Variants in GDPD5 observed in about 807,000 individuals in gnomAD.
GDPD5 encodes glycerophosphodiester phosphodiesterase 2.
In GDPD5, 48 loss-of-function variants were observed where a neutral mutation model predicts 75.1. The ratio of observed to expected loss-of-function variants is 0.64; its 90% CI spans 0.51 to 0.81. GDPD5 has a LOEUF of 0.81. Ranked by LOEUF, GDPD5 falls within the 40% of genes least tolerant of loss-of-function variation. The pLI is 0.00. For synonymous variants in GDPD5, 336 were observed against 339.0 expected (o/e 0.99, Z 0.10); for missense variants, 706 against 822.6 (o/e 0.86, Z 1.73).
chr11:75,497,740 C>T (rs991728187), intron 1 of GDPD5, among the ~76,000 whole-genome samples: 5 of 152,182 alleles, frequency 3.3e-5, no homozygotes, highest in African/African-American at 1.2e-4. Context: ...ATCCTGACCA[C>T]TGGGGGCTTA....
At chr11:75,502,683 C>T (rs900920339) in intron 1 of GDPD5, among the ~76,000 whole-genome samples, 29 of 152,194 alleles carry the variant, frequency 1.9e-4, no homozygotes, top group Admixed American at 1.6e-3. Flanking sequence ...GGTGACACTA[C>T]GGCACTTTCA....
chr11:75,504,484 T>C (rs1318107095), intron 1 of GDPD5, among the ~76,000 whole-genome samples: 1 of 152,138 alleles, frequency 6.6e-6, no homozygotes, highest in Non-Finnish European at 1.5e-5. Flanking sequence ...GGAGCAGCAC[T>C]CCGCCTGAAC....
chr11:75,456,206 C>T (rs1006421835), intron 6 of GDPD5, among the ~76,000 whole-genome samples: 9 of 152,102 alleles, frequency 5.9e-5, no homozygotes, highest in Non-Finnish European at 7.4e-5. Context: ...GGTGACTGTC[C>T]CATGATGGGT....
At chr11:75,507,492 G>T (rs142334809) in intron 1 of GDPD5, among the ~76,000 whole-genome samples, 2 of 152,366 alleles carry the variant, frequency 1.3e-5, no homozygotes, top group Admixed American at 1.3e-4. Context: ...AGGCTGGGGG[G>T]CACTGGCTGC....
chr11:75,454,749 A>G (rs767684167), intron 6 of GDPD5, among the ~76,000 whole-genome samples: 45 of 152,222 alleles, frequency 3.0e-4, no homozygotes, highest in Non-Finnish European at 5.3e-4. Flanking sequence ...GGAAATGCAT[A>G]TGTACATGTG....
chr11:75,491,168 C>T (rs903346512), intron 1 of GDPD5, among the ~76,000 whole-genome samples: 4 of 152,184 alleles, frequency 2.6e-5, no homozygotes, highest in Admixed American at 1.3e-4. Context: ...GTGTGTGAAC[C>T]AGAGGTGGAC....
At chr11:75,495,308 T>TTATA (rs377593028) in intron 1 of GDPD5, among the ~76,000 whole-genome samples, 1 of 149,524 alleles carries the variant, frequency 6.7e-6, no homozygotes, top group Non-Finnish European at 1.5e-5. Context: ...GAATTTAATT[T>TTATA]TATATATATA....
chr11:75,455,166 T>C (rs569389393), intron 6 of GDPD5: 62 of 389,430 alleles, frequency 1.6e-4, no homozygotes, highest in African/African-American at 1.2e-3. Flanking sequence ...AGCGGCTCTA[T>C]AGGCCTCTCC....
chr11:75,441,846 G>C (rs763894135), intron 12 of GDPD5, 43 bp from the exon 13 acceptor site: 1 of 1,560,248 alleles, frequency 6.4e-7, no homozygotes, highest in Non-Finnish European at 8.7e-7. Flanking sequence ...TCTTCTGCAC[G>C]ATGCGTAAGA....
At chr11:75,523,727 G>C (rs1265575627) in intron 1 of GDPD5, among the ~76,000 whole-genome samples, 4 of 152,252 alleles carry the variant, frequency 2.6e-5, no homozygotes, top group Non-Finnish European at 5.9e-5. Flanking sequence ...TAGACATAGA[G>C]ATTATTGCGA....
intron 6 of GDPD5, among the ~76,000 whole-genome samples, chr11:75,454,889 T>G (rs1949251019): frequency 1.3e-5 from 2 of 152,218 alleles, no homozygotes. Flanking sequence ...CAAAAAAGAA[T>G]AAAGAGTCCT....
chr11:75,453,267 C>T lies in GDPD5; in HGVS notation c.376-3284G>A, dbSNP rs372846145. ...CTCCCTCTCACCCTGTCCTGAGCAT[C>T]TCTGTCCTCCCCTCCTCAGGACCCA... On this transcript the variant is annotated intron_variant, in intron 6 of 16. Coordinates refer to ENST00000336898, the MANE Select transcript of GDPD5 (RefSeq NM_030792.8). Among the ~76,000 whole-genome samples, 193 of 152,250 alleles carry T rather than the reference C, an allele frequency of 1.3e-3. 6 individuals carry two copies. In the South Asian group the frequency reaches 0.039, roughly 30 times the overall value.
At chr11:75,439,660 G>A (rs1388667204) in intron 15 of GDPD5, among the ~76,000 whole-genome samples, 1 of 152,198 alleles carries the variant, frequency 6.6e-6, no homozygotes, top group African/African-American at 2.4e-5. Context: ...AGCCACCCAA[G>A]GCAGAGCTTG....
intron 5 of GDPD5, among the ~76,000 whole-genome samples, chr11:75,457,303 G>A (rs937060813): frequency 6.6e-6 from 1 of 152,148 alleles, no homozygotes; most frequent in Non-Finnish European, 1.5e-5. Context: ...CACTGGGTCC[G>A]GGGCAAACAT....
At chr11:75,476,609 C>A (rs951991683) in intron 3 of GDPD5, among the ~76,000 whole-genome samples, 5 of 152,144 alleles carry the variant, frequency 3.3e-5, no homozygotes, top group African/African-American at 1.2e-4. Context: ...CTTGGGCAGG[C>A]CCTTCCCTCT....
chr11:75,504,866 G>A (rs1000592915), intron 1 of GDPD5, among the ~76,000 whole-genome samples: 2 of 152,252 alleles, frequency 1.3e-5, no homozygotes. Flanking sequence ...AGTGGCTCAC[G>A]CCTGTAATTC....
At position 75,434,784 on chromosome 11, in the gene GDPD5, G is replaced by GATGA. The variant is rs1948583688; in HGVS notation, c.*722_*723insTCAT. The stretch of plus-strand genomic sequence containing the variant: ...TGTGGCCACTGATGTGGGAACCTGA[G>GATGA]GTCACATCAGTCTGTGGACTCCTGG... On this transcript the variant is annotated 3_prime_UTR_variant, in exon 17 of 17. Coordinates refer to ENST00000336898, the MANE Select transcript of GDPD5 (RefSeq NM_030792.8). 1.3e-5 allele frequency: 2 copies of GATGA among 152,360 alleles called. No homozygotes were observed. The highest frequency in any genetic ancestry group is 4.1e-4 in the South Asian group (2 of 4,834). The allele number at this position is 152,360 out of a possible 1,614,324, so 9.4% of individuals were successfully genotyped here.
chr11:75,493,240 C>CACACACACAT (rs1950144290), intron 1 of GDPD5, among the ~76,000 whole-genome samples: 1 of 151,388 alleles, frequency 6.6e-6, no homozygotes, highest in Non-Finnish European at 1.5e-5. Flanking sequence ...CACACACACA[C>CACACACACAT]ACACACACAC....
chr11:75,450,023 G>A, intron 6 of GDPD5, 40 bp from the exon 7 acceptor site: 2 of 1,562,640 alleles, frequency 1.3e-6, no homozygotes. Context: ...CTCAGAGCGG[G>A]TGGGAGGGTT....
Sources: allele counts gnomAD v4.1 joint callset (sites outside exome capture counted in the v4.1 genomes callset), GRCh38; gene constraint gnomAD v4.1.1; transcripts MANE v1.5; gene names NCBI Gene and HGNC (gene_info 2026-07-23, HGNC 2026-07-21).